Variants in WASHC5 observed in about 807,000 individuals in gnomAD.
WASHC5 encodes WASH complex subunit 5, also known as WASH complex subunit strumpellin.
Under a neutral mutation model 150.4 loss-of-function variants are expected in WASHC5, and 101 were observed. The observed-to-expected ratio is 0.67, with a 90% CI of 0.57 to 0.79. The LOEUF (loss-of-function observed/expected upper bound fraction) is 0.79. Among genes scored for constraint, WASHC5 ranks in the 30% least tolerant of loss-of-function variants. The pLI is 0.00. For missense variants in WASHC5, 1,195 were observed against 1,396.3 expected (o/e 0.86, Z 2.30); for synonymous variants, 467 against 491.2 (o/e 0.95, Z 0.65).
intron 3 of WASHC5, 90 bp from the exon 4 acceptor site, chr8:125,082,557 G>A: frequency 2.5e-6 from 2 of 804,360 alleles, no homozygotes; most frequent in Non-Finnish European, 4.3e-6. Flanking sequence ...GATAAGGCAG[G>A]ATGCCAGGCA....
chr8:125,066,295 A>C (rs560538541), intron 10 of WASHC5, among the ~76,000 whole-genome samples: 1 of 152,204 alleles, frequency 6.6e-6, no homozygotes. Flanking sequence ...TTTCTGAGCT[A>C]CTTAGTAGGG....
At chr8:125,047,049 G>A (rs999545619) in intron 20 of WASHC5, among the ~76,000 whole-genome samples, 158 bp downstream of exon 20, 2 of 152,148 alleles carry the variant, frequency 1.3e-5, no homozygotes, top group African/African-American at 4.8e-5. Context: ...GTATCAGTCT[G>A]CAGCGCAGGG....
intron 9 of WASHC5, among the ~76,000 whole-genome samples, chr8:125,071,206 C>T (rs1351626189): frequency 6.6e-6 from 1 of 152,216 alleles, no homozygotes; most frequent in Non-Finnish European, 1.5e-5. Context: ...GTATACAGTC[C>T]TGGATGAGGG....
chr8:125,028,494 T>C, intron 28 of WASHC5, 126 bp downstream of exon 28: 2 of 683,032 alleles, frequency 2.9e-6, no homozygotes, highest in South Asian at 1.5e-5. Flanking sequence ...GGTAGAGCAG[T>C]GGCGAGAGGC....
chr8:125,091,117 G>A (rs1055757517), intron 1 of WASHC5, among the ~76,000 whole-genome samples: 1 of 150,450 alleles, frequency 6.6e-6, no homozygotes, highest in Non-Finnish European at 1.5e-5. Context: ...CAGGAATCAG[G>A]GCCCTGGGAA....
intron 5 of WASHC5, among the ~76,000 whole-genome samples, 184 bp from the exon 6 acceptor site, chr8:125,079,114 G>GTATATATA (rs1194077815): frequency 1.9e-4 from 14 of 71,960 alleles, no homozygotes; most frequent in East Asian, 3.4e-4. Flanking sequence ...GTGTGTGTGT[G>GTATATATA]TGTATATATA....
Position 125,039,739 on chromosome 8 carries a change from C to T in WASHC5, c.2954+56G>A, listed in dbSNP as rs111281783. The T allele has an allele frequency of 3.0e-3, 3,546 of 1,166,492 alleles. 60 individuals carry two copies. In the African/African-American group the frequency reaches 0.044, roughly 15 times the overall value. 72.3% of individuals were successfully genotyped at this position (1,166,492 alleles called of 1,614,324 possible). The stretch of plus-strand genomic sequence containing the variant: ...AGTAAGAACTGAAGAAACTGGGGTG[C>T]GTAGATAATAAACAATCCAAGCCCA... On this transcript the variant is annotated intron_variant, in intron 24 of 28. Coordinates refer to ENST00000318410, the MANE Select transcript of WASHC5 (RefSeq NM_014846.4).
chr8:125,044,183 A>C, intron 21 of WASHC5, 89 bp from the exon 22 acceptor site: 1 of 889,570 alleles, frequency 1.1e-6, no homozygotes, highest in Non-Finnish European at 1.8e-6. Flanking sequence ...TGCAGAACAG[A>C]GGCTGGGCCT....
At position 125,076,352 on chromosome 8, in the gene WASHC5, T is replaced by C. The variant is rs1020805660; in HGVS notation, c.860A>G (p.Asn287Ser). Residue 287 changes from asparagine to serine, a missense_variant, in exon 7 of 29, where the codon AAT (asparagine) becomes AGT (serine). Physicochemically the swap from Asn to Ser is conservative, Grantham distance 46. Coordinates refer to ENST00000318410, the MANE Select transcript of WASHC5 (RefSeq NM_014846.4). The stretch of plus-strand genomic sequence containing the variant: ...AAAAAAATTAGCAATACTTGCCCAA[T>C]TATCTGGAAAGTATTTATCCACTAT... ...REIVDKYFPD[N>S]WVISIYMGIT... 4.3e-6 allele frequency: 7 copies of C among 1,613,836 alleles called. No individual in the cohort carries two copies. Among genetic ancestry groups the C allele is most frequent in the Non-Finnish European group, 5.9e-6 (7 of 1,179,820 alleles).
chr8:125,034,689 T>C (rs997291202), intron 26 of WASHC5, among the ~76,000 whole-genome samples: 1 of 152,168 alleles, frequency 6.6e-6, no homozygotes, highest in African/African-American at 2.4e-5. Context: ...TTTGACTTCT[T>C]GTGAAGACCG....
chr8:125,028,278 GAGAA>G (rs1179847211), intron 28 of WASHC5, among the ~76,000 whole-genome samples: 1 of 152,214 alleles, frequency 6.6e-6, no homozygotes, highest in Non-Finnish European at 1.5e-5. Flanking sequence ...TCAGTGGAGA[GAGAA>G]AGAACAAACC....
intron 26 of WASHC5, among the ~76,000 whole-genome samples, chr8:125,036,087 G>C (rs1198345890): frequency 6.6e-6 from 1 of 152,186 alleles, no homozygotes; most frequent in Non-Finnish European, 1.5e-5. Flanking sequence ...GGTGTCTCTT[G>C]TTTGTACAGA....
chr8:125,024,801 G>A (rs761446740), intron 28 of WASHC5, 128 bp from the exon 29 acceptor site: 10 of 688,176 alleles, frequency 1.5e-5, no homozygotes, highest in Admixed American at 4.6e-5. Flanking sequence ...ATGGGCGGAC[G>A]ACTCCTTGAA....
chr8:125,071,828 C>T (rs1040377473), intron 9 of WASHC5, among the ~76,000 whole-genome samples: 1 of 152,212 alleles, frequency 6.6e-6, no homozygotes, highest in Non-Finnish European at 1.5e-5. Context: ...TGAGATGGGG[C>T]TCACTGGGCT....
Position 125,083,872 on chromosome 8 carries a change from G to C in WASHC5, c.27C>G (p.Asn9Lys), listed in dbSNP as rs1389361048. 1 of 1,613,840 alleles carries C rather than the reference G, an allele frequency of 6.2e-7. No homozygotes were observed. Among genetic ancestry groups the C allele is most frequent in the African/African-American group, 1.3e-5 (1 of 74,908 alleles). The change falls in exon 2 of 29, where the codon AAC becomes AAG. Residue 9 changes from asparagine to lysine, a missense_variant. This residue lies in a region of WASHC5 where 195 missense variants were observed against 206.9 expected (regional missense o/e 0.94). Transcript: ENST00000318410. MLDFLAEN[N>K]LCGQAILRIV... ...TCCTTAGGATTGCTTGGCCACAGAG[G>C]TTGTTCTCGGCTAGAAAGTCCAACA...
intron 9 of WASHC5, among the ~76,000 whole-genome samples, chr8:125,070,600 T>G (rs1347439204): frequency 6.6e-6 from 1 of 152,200 alleles, no homozygotes; most frequent in African/African-American, 2.4e-5. Context: ...TATACGCTTG[T>G]GAATGCAAGA....
intron 9 of WASHC5, among the ~76,000 whole-genome samples, chr8:125,069,191 A>G (rs1304258888): frequency 6.6e-6 from 1 of 152,208 alleles, no homozygotes; most frequent in East Asian, 1.9e-4. Context: ...GCTTTGCTAT[A>G]AAAGTGAGCT....
chr8:125,059,122 C>A, intron 14 of WASHC5, 100 bp downstream of exon 14: 1 of 853,424 alleles, frequency 1.2e-6, no homozygotes, highest in Admixed American at 2.0e-5. Context: ...AATTATTTAC[C>A]TTCCTAAAAG....
chr8:125,051,065 T>C (rs186597789), intron 17 of WASHC5, among the ~76,000 whole-genome samples: 72 of 152,324 alleles, frequency 4.7e-4, no homozygotes, highest in African/African-American at 1.6e-3. Context: ...TACAGATGCA[T>C]GTTCTTCCTT....
Sources: allele counts gnomAD v4.1 joint callset (sites outside exome capture counted in the v4.1 genomes callset), GRCh38; gene constraint gnomAD v4.1.1; regional missense constraint gnomAD v4.1.1; transcripts MANE v1.5; gene names NCBI Gene and HGNC (gene_info 2026-07-23, HGNC 2026-07-21).